Variants in PSD2 observed in about 807,000 individuals in gnomAD.
PSD2 encodes pleckstrin and Sec7 domain containing 2.
PSD2 carries 38 observed loss-of-function variants against 69.8 expected under a neutral mutation model. The observed-to-expected ratio is 0.54, with a 90% CI of 0.42 to 0.71. The LOEUF (loss-of-function observed/expected upper bound fraction) is 0.71. Among genes scored for constraint, PSD2 ranks in the 30% least tolerant of loss-of-function variants. The pLI, the probability that PSD2 is intolerant of heterozygous loss-of-function variation, is 0.00. For missense variants in PSD2, 943 were observed against 1,014.5 expected, an observed-to-expected ratio of 0.93 and a Z score of 0.96; for synonymous variants, 412 against 423.0, an observed-to-expected ratio of 0.97 and a Z score of 0.32.
the PSD2 span, among the ~76,000 whole-genome samples, chr5:139,746,395 T>C: frequency 6.6e-6 from 1 of 152,212 alleles, no homozygotes. The surrounding 1 kb of genome is among the most constrained non-coding windows in gnomAD (Gnocchi z 4.5). Context: ...TTTTTTCCTC[T>C]GGCCTCGCGC....
At chr5:139,824,148 C>T (rs564074107) in intron 7 of PSD2, among the ~76,000 whole-genome samples, 2 of 152,302 alleles carry the variant, frequency 1.3e-5, no homozygotes, top group East Asian at 3.9e-4. Context: ...CTCAACAGGC[C>T]CCTCACTCCC....
chr5:139,774,695 T>C, the PSD2 span, among the ~76,000 whole-genome samples: 1 of 152,148 alleles, frequency 6.6e-6, no homozygotes, highest in Admixed American at 6.5e-5. Flanking sequence ...TTTCACCATG[T>C]TGGTCAGGCT....
chr5:139,749,347 T>C, the PSD2 span, among the ~76,000 whole-genome samples: 1 of 152,246 alleles, frequency 6.6e-6, no homozygotes, highest in Admixed American at 6.5e-5. Flanking sequence ...CTGACTGATT[T>C]GGGTGTGTTG....
At chr5:139,748,538 G>A in the PSD2 span, among the ~76,000 whole-genome samples, 1 of 152,144 alleles carries the variant, frequency 6.6e-6, no homozygotes, top group Non-Finnish European at 1.5e-5. Context: ...CCAGCACCCA[G>A]CAACACACGA....
rs369913609 is a variant in PSD2 at position 139,842,251 on chromosome 5, T to G, written c.2113-20T>G. The G allele has an allele frequency of 2.5e-6, 4 of 1,609,206 alleles. No individual in the cohort carries two copies. Among genetic ancestry groups the G allele is most frequent in the Non-Finnish European group, 3.4e-6 (4 of 1,175,852 alleles). On this transcript the variant is annotated intron_variant, in intron 14 of 14. Coordinates refer to ENST00000274710, the MANE Select transcript of PSD2 (RefSeq NM_032289.4). ...TTCCTATTTTGTTGTCTTTTGACCTTGTGTTTGGCCTTTCCCCAGAAAAGC... is the reference window on the plus strand; with the variant it reads ...TTCCTATTTTGTTGTCTTTTGACCTGGTGTTTGGCCTTTCCCCAGAAAAGC...
intron 7 of PSD2, among the ~76,000 whole-genome samples, chr5:139,824,894 G>T (rs1403435932): frequency 6.7e-6 from 1 of 148,824 alleles, no homozygotes; most frequent in Admixed American, 6.7e-5. Context: ...GGGATCTCGG[G>T]AACAGGGGCC....
At chr5:139,801,330 C>T (rs778120952) in intron 1 of PSD2, among the ~76,000 whole-genome samples, 27 of 152,142 alleles carry the variant, frequency 1.8e-4, no homozygotes, top group Non-Finnish European at 1.2e-4. Flanking sequence ...GGCTCCACTC[C>T]GCTGACCTCT....
chr5:139,840,009 C>T lies in PSD2; in HGVS notation c.1969-18C>T, dbSNP rs41290621. 5.2e-3 allele frequency: 8,357 copies of T among 1,613,918 alleles called. 42 individuals are homozygous for T. Among genetic ancestry groups the T allele is most frequent in the Admixed American group, 7.9e-3 (475 of 60,010 alleles). ...ATCCTGAGAGTAAGGCCTCACAGTC[C>T]AGGATTTGTCTTTGCAGGAGGAGCA... On this transcript the variant is annotated intron_variant, in intron 13 of 14. Transcript: ENST00000274710.
chr5:139,804,564 G>T (rs968256094), intron 1 of PSD2, among the ~76,000 whole-genome samples: 3 of 152,082 alleles, frequency 2.0e-5, no homozygotes, highest in East Asian at 1.9e-4. Flanking sequence ...TCAGAGAGGG[G>T]TTTTTTTGTG....
chr5:139,813,809 G>A (rs1179753467), intron 3 of PSD2, 51 bp downstream of exon 3: 3 of 1,489,892 alleles, frequency 2.0e-6, no homozygotes, highest in African/African-American at 2.8e-5. Context: ...GGGAAACTGA[G>A]ACCCAGAGGG....
chr5:139,781,916 G>A, the PSD2 span, among the ~76,000 whole-genome samples: 4 of 152,162 alleles, frequency 2.6e-5, no homozygotes, highest in African/African-American at 7.2e-5. Context: ...TTACAAGTGT[G>A]AGCCATTGTG....
At chr5:139,831,567 T>C (rs1039222013) in intron 7 of PSD2, among the ~76,000 whole-genome samples, 3 of 152,222 alleles carry the variant, frequency 2.0e-5, no homozygotes, top group African/African-American at 4.8e-5. Context: ...CCTTCTATGG[T>C]TGGCAATTTG....
At chr5:139,766,944 T>TCTTTCTTTCTTTCTTTCTTTCTTTCTTC in the PSD2 span, among the ~76,000 whole-genome samples, 8 of 117,560 alleles carry the variant, frequency 6.8e-5, no homozygotes, top group South Asian at 5.9e-4. Flanking sequence ...TTTCTTTCTT[T>TCTTTCTTTCTTTCTTTCTTTCTTTCTTC]CTTTCTTTCT....
the PSD2 span, among the ~76,000 whole-genome samples, chr5:139,768,017 T>C: frequency 2.0e-5 from 3 of 152,354 alleles, no homozygotes; most frequent in African/African-American, 7.2e-5. Flanking sequence ...CTGTCCCCTG[T>C]GCAGTGCTCC....
At chr5:139,779,123 T>A in the PSD2 span, among the ~76,000 whole-genome samples, 2 of 151,998 alleles carry the variant, frequency 1.3e-5, no homozygotes, top group African/African-American at 4.8e-5. Context: ...GTTTTTTAAT[T>A]TATTTATTAA....
intron 7 of PSD2, among the ~76,000 whole-genome samples, chr5:139,832,324 C>A (rs1174126905): frequency 6.6e-6 from 1 of 152,174 alleles, no homozygotes; most frequent in Non-Finnish European, 1.5e-5. Context: ...TGTAAATCTA[C>A]ACAGAAAAAT....
chr5:139,756,556 G>T, the PSD2 span, among the ~76,000 whole-genome samples: 1 of 152,314 alleles, frequency 6.6e-6, no homozygotes, highest in East Asian at 1.9e-4. Context: ...TTCGTGGAGG[G>T]AGCGGACTTT....
At chr5:139,835,361 T>G (rs184568548) in intron 8 of PSD2, among the ~76,000 whole-genome samples, 1 of 152,016 alleles carries the variant, frequency 6.6e-6, no homozygotes, top group Admixed American at 6.5e-5. Context: ...ATCCATTCAC[T>G]CACCCATCCT....
At chr5:139,831,749 C>T (rs894336413) in intron 7 of PSD2, among the ~76,000 whole-genome samples, 4 of 152,202 alleles carry the variant, frequency 2.6e-5, no homozygotes, top group Admixed American at 2.6e-4. Context: ...TCTACATAGT[C>T]GATTTCCATT....
Sources: allele counts gnomAD v4.1 joint callset (sites outside exome capture counted in the v4.1 genomes callset), GRCh38; gene constraint gnomAD v4.1.1; non-coding constraint Gnocchi (gnomAD v3.1); transcripts MANE v1.5; gene names NCBI Gene and HGNC (gene_info 2026-07-23, HGNC 2026-07-21).